NYAP2: variants seen among roughly 807,000 people sequenced by gnomAD.
The protein encoded by NYAP2 is neuronal tyrosine-phosphorylated phosphoinositide-3-kinase adaptor 2.
Under a neutral mutation model 50.4 loss-of-function variants are expected in NYAP2, and 23 were observed. The ratio of observed to expected loss-of-function variants is 0.46; its 90% CI spans 0.33 to 0.65. The LOEUF is 0.65. Among genes scored for constraint, NYAP2 ranks in the 30% least tolerant of loss-of-function variants. The pLI is 0.02. For synonymous variants in NYAP2, 394 were observed against 365.2 expected (o/e 1.08, Z -0.90); for missense variants, 885 against 861.0 (o/e 1.03, Z -0.35).
chr2:225,442,737 A>G (rs1404139002), intron 3 of NYAP2, among the ~76,000 whole-genome samples: 2 of 151,960 alleles, frequency 1.3e-5, no homozygotes, highest in Non-Finnish European at 2.9e-5. Flanking sequence ...CACCACGCCC[A>G]GCTAATTTTT....
chr2:225,571,440 G>A (rs1188538947), intron 4 of NYAP2, among the ~76,000 whole-genome samples: 1 of 152,208 alleles, frequency 6.6e-6, no homozygotes, highest in Non-Finnish European at 1.5e-5. Flanking sequence ...ATACATCCTT[G>A]GAAATCTAGG....
chr2:225,478,414 A>G (rs961735428), intron 3 of NYAP2, among the ~76,000 whole-genome samples: 4 of 152,224 alleles, frequency 2.6e-5, no homozygotes, highest in African/African-American at 9.6e-5. Context: ...ATTTTTCCCA[A>G]AGTTGAAGTG....
chr2:225,608,867 C>T (rs1692833110), intron 5 of NYAP2, among the ~76,000 whole-genome samples: 1 of 152,130 alleles, frequency 6.6e-6, no homozygotes. Context: ...GCCCCATTCC[C>T]TAGTCCAAAT....
At chr2:225,594,587 C>T (rs1165861571) in intron 5 of NYAP2, among the ~76,000 whole-genome samples, 1 of 152,150 alleles carries the variant, frequency 6.6e-6, no homozygotes, top group Non-Finnish European at 1.5e-5. Flanking sequence ...GTTGGAAAGA[C>T]ATTGCATAAA....
intron 4 of NYAP2, among the ~76,000 whole-genome samples, chr2:225,578,181 C>T (rs1279514717): frequency 6.6e-6 from 1 of 152,070 alleles, no homozygotes; most frequent in Non-Finnish European, 1.5e-5. Context: ...AATCCACCTG[C>T]CTCCGCCTCC....
At chr2:225,621,879 T>C (rs1693110185) in intron 5 of NYAP2, among the ~76,000 whole-genome samples, 1 of 152,100 alleles carries the variant, frequency 6.6e-6, no homozygotes, top group South Asian at 2.1e-4. Flanking sequence ...CCAGAGTTCC[T>C]TTTTTTGTAA....
At chr2:225,442,596 G>A (rs1559180838) in intron 3 of NYAP2, among the ~76,000 whole-genome samples, 1 of 151,994 alleles carries the variant, frequency 6.6e-6, no homozygotes, top group East Asian at 1.9e-4. Context: ...TATTTTTTGA[G>A]ACAGAGTCTC....
At chr2:225,658,607 A>T (rs896680219), downstream of NYAP2, among the ~76,000 whole-genome samples, 1 of 152,200 alleles carries the variant, frequency 6.6e-6, no homozygotes, top group Admixed American at 6.5e-5. Flanking sequence ...AGTGCAAAAA[A>T]TATATAAAAA....
At chr2:225,455,128 C>A (rs991386595) in intron 3 of NYAP2, among the ~76,000 whole-genome samples, 4 of 152,192 alleles carry the variant, frequency 2.6e-5, no homozygotes, top group Admixed American at 1.3e-4. Flanking sequence ...ATTAAAAAAA[C>A]CACATTATCC....
chr2:225,678,656 G>A, the NYAP2 span, among the ~76,000 whole-genome samples: 102 of 152,096 alleles, frequency 6.7e-4, no homozygotes, highest in Middle Eastern at 3.4e-3. Flanking sequence ...AAGACTTTTC[G>A]TTTCTTTCTT....
At chr2:225,635,242 C>T (rs567515219) in intron 6 of NYAP2, among the ~76,000 whole-genome samples, 1 of 152,260 alleles carries the variant, frequency 6.6e-6, no homozygotes, top group South Asian at 2.1e-4. Flanking sequence ...TTTTGGAAGA[C>T]CGTAATAAAT....
chr2:225,649,295 A>G (rs763271613), intron 6 of NYAP2, among the ~76,000 whole-genome samples: 22 of 152,224 alleles, frequency 1.4e-4, no homozygotes, highest in Non-Finnish European at 2.9e-4. Flanking sequence ...CAAGCAATAC[A>G]TTCTGAAATG....
At chr2:225,446,980 C>G (rs1025527275) in intron 3 of NYAP2, among the ~76,000 whole-genome samples, 11 of 152,068 alleles carry the variant, frequency 7.2e-5, no homozygotes, top group African/African-American at 2.2e-4. Flanking sequence ...ACCGAGAAGC[C>G]AAGCTAAACT....
chr2:225,662,324 A>G, the NYAP2 span, among the ~76,000 whole-genome samples: 10,496 of 152,362 alleles, frequency 0.069, 451 homozygotes, highest in East Asian at 0.25. Context: ...GCATGTGCAC[A>G]AGTGTCTGTG....
chr2:225,604,134 G>C (rs931469760), intron 5 of NYAP2, among the ~76,000 whole-genome samples: 4 of 152,128 alleles, frequency 2.6e-5, no homozygotes, highest in Admixed American at 2.6e-4. Context: ...CATGCATTTT[G>C]AATGTGTGTA....
intron 6 of NYAP2, among the ~76,000 whole-genome samples, chr2:225,634,245 T>C (rs993483270): frequency 1.3e-5 from 2 of 152,076 alleles, no homozygotes; most frequent in Non-Finnish European, 2.9e-5. Context: ...AGAAGTTGGG[T>C]GGGGTAGAGT....
chr2:225,488,549 T>A (rs1021376038), intron 3 of NYAP2, among the ~76,000 whole-genome samples: 1 of 152,152 alleles, frequency 6.6e-6, no homozygotes, highest in African/African-American at 2.4e-5. Context: ...AATTTTTGTA[T>A]TTTTAGTAGA....
intron 5 of NYAP2, among the ~76,000 whole-genome samples, chr2:225,618,478 C>A (rs1172249134): frequency 2.6e-5 from 4 of 152,184 alleles, no homozygotes; most frequent in Admixed American, 2.6e-4. Context: ...TTCTTTAGGG[C>A]AGCCCAAGCC....
At chr2:225,485,390 C>T (rs1273356153) in intron 3 of NYAP2, among the ~76,000 whole-genome samples, 2 of 152,180 alleles carry the variant, frequency 1.3e-5, no homozygotes, top group Admixed American at 6.5e-5. Context: ...CAAATACAGT[C>T]ATTAACTCTC....
Sources: allele counts gnomAD v4.1 joint callset (sites outside exome capture counted in the v4.1 genomes callset), GRCh38; gene constraint gnomAD v4.1.1; transcripts MANE v1.5; gene names NCBI Gene and HGNC (gene_info 2026-07-23, HGNC 2026-07-21).